RGS6: variants seen among roughly 807,000 people sequenced by gnomAD.
RGS6 encodes the protein regulator of G protein signaling 6, also known as regulator of G-protein signaling 6.
Under a neutral mutation model 78.5 loss-of-function variants are expected in RGS6, and 30 were observed. The ratio of observed to expected loss-of-function variants is 0.38; its 90% CI spans 0.29 to 0.52. RGS6 has a LOEUF of 0.52. Ranked by LOEUF, RGS6 falls within the 20% of genes least tolerant of loss-of-function variation. RGS6 has a pLI of 0.85. For synonymous variants in RGS6, 206 were observed against 206.0 expected (o/e 1.00, Z 0.00); for missense variants, 495 against 609.7 (o/e 0.81, Z 1.98).
chr14:72,030,015 A>G (rs936042721), intron 2 of RGS6, among the ~76,000 whole-genome samples: 1 of 152,222 alleles, frequency 6.6e-6, no homozygotes, highest in Non-Finnish European at 1.5e-5. Context: ...TTATCTCGTC[A>G]TTCTACAGAG....
intron 12 of RGS6, among the ~76,000 whole-genome samples, chr14:72,478,560 C>T (rs895809410): frequency 2.0e-5 from 3 of 152,088 alleles, no homozygotes; most frequent in African/African-American, 4.8e-5. Flanking sequence ...GGGGTGGCCA[C>T]GGGACCTTGT....
intron 2 of RGS6, among the ~76,000 whole-genome samples, chr14:72,118,002 TA>T (rs2095945939): frequency 1.3e-5 from 2 of 152,188 alleles, no homozygotes; most frequent in African/African-American, 4.8e-5. Flanking sequence ...TATCAACTAA[TA>T]GTAGTCTCTG....
chr14:72,528,581 C>T (rs2097145666), intron 15 of RGS6, among the ~76,000 whole-genome samples: 1 of 152,100 alleles, frequency 6.6e-6, no homozygotes, highest in Non-Finnish European at 1.5e-5. Flanking sequence ...GGTAGTTCTG[C>T]TTGTTCATAG....
the RGS6 span, among the ~76,000 whole-genome samples, chr14:71,876,749 A>T: frequency 1.3e-5 from 2 of 151,890 alleles, no homozygotes; most frequent in South Asian, 2.1e-4. Context: ...GCTCGTTAGT[A>T]GATGCAGTTT....
chr14:72,312,938 C>A (rs1171005645), intron 2 of RGS6, among the ~76,000 whole-genome samples: 1 of 152,144 alleles, frequency 6.6e-6, no homozygotes, highest in Non-Finnish European at 1.5e-5. Flanking sequence ...TTTTGGAGCC[C>A]CTCATTCCTA....
At chr14:72,470,836 G>A (rs1162150223) in intron 8 of RGS6, among the ~76,000 whole-genome samples, 1 of 145,616 alleles carries the variant, frequency 6.9e-6, no homozygotes, top group African/African-American at 2.6e-5. Flanking sequence ...CTGAGATCGT[G>A]ACATTGCACT....
At chr14:72,018,427 G>T (rs1212598987) in intron 2 of RGS6, among the ~76,000 whole-genome samples, 1 of 152,140 alleles carries the variant, frequency 6.6e-6, no homozygotes, top group Non-Finnish European at 1.5e-5. Flanking sequence ...TGGATTGTGG[G>T]AATTTTGCTC....
chr14:72,557,319 T>C (rs751770245), intron 17 of RGS6, among the ~76,000 whole-genome samples: 1 of 152,242 alleles, frequency 6.6e-6, no homozygotes, highest in Non-Finnish European at 1.5e-5. Context: ...GCACTCTCTC[T>C]CCCCAGTTTT....
chr14:72,400,089 G>C (rs536997360), intron 3 of RGS6, among the ~76,000 whole-genome samples: 1 of 152,148 alleles, frequency 6.6e-6, no homozygotes, highest in Non-Finnish European at 1.5e-5. Context: ...ATCATTGTCT[G>C]ATTCACCGAA....
intron 3 of RGS6, among the ~76,000 whole-genome samples, chr14:72,382,100 T>A (rs761241487): frequency 1.3e-4 from 20 of 152,042 alleles, no homozygotes; most frequent in South Asian, 6.2e-4. Context: ...TATTAAAATT[T>A]AGTCACCTGC....
At chr14:72,623,038 T>G in the RGS6 span, among the ~76,000 whole-genome samples, 1 of 152,356 alleles carries the variant, frequency 6.6e-6, no homozygotes, top group African/African-American at 2.4e-5. Flanking sequence ...GATTAATCTC[T>G]AAGATATTCA....
chr14:72,603,406 C>T, the RGS6 span, among the ~76,000 whole-genome samples: 1 of 152,210 alleles, frequency 6.6e-6, no homozygotes, highest in African/African-American at 2.4e-5. Flanking sequence ...CTGATTCTGC[C>T]AGGGCCATGC....
chr14:72,518,831 G>T (rs2096989028), intron 15 of RGS6, among the ~76,000 whole-genome samples: 1 of 152,214 alleles, frequency 6.6e-6, no homozygotes, highest in Non-Finnish European at 1.5e-5. Context: ...GTCAGTGATA[G>T]AATCTGGAAA....
chr14:72,555,995 T>C (rs2097569758), intron 17 of RGS6, among the ~76,000 whole-genome samples: 1 of 152,172 alleles, frequency 6.6e-6, no homozygotes, highest in Admixed American at 6.6e-5. Flanking sequence ...GAGCTACCCG[T>C]GCCATTCCAT....
At position 72,290,777 on chromosome 14, in the gene RGS6, C is replaced by T. The variant is rs188406015; in HGVS notation, c.85-61318C>T. Among the ~76,000 whole-genome samples, 46 of 152,292 alleles carry T rather than the reference C, an allele frequency of 3.0e-4. 1 individual carries two copies. The East Asian group carries it at 6.8e-3, about 22-fold the overall frequency. ...GCACCTATGTTAGCAGAGCCTCACA[C>T]GGATTAATTAAAAGCTGCTACTCTC... On this transcript the variant is annotated intron_variant, in intron 2 of 17. Transcript: ENST00000553525.
At chr14:72,101,671 A>T (rs1424282881) in intron 2 of RGS6, among the ~76,000 whole-genome samples, 1 of 152,150 alleles carries the variant, frequency 6.6e-6, no homozygotes, top group Non-Finnish European at 1.5e-5. Flanking sequence ...GAACGCTTGG[A>T]TACGTGTTGT....
chr14:72,138,012 C>A (rs548836582), intron 2 of RGS6, among the ~76,000 whole-genome samples: 1 of 152,250 alleles, frequency 6.6e-6, no homozygotes, highest in East Asian at 1.9e-4. Context: ...CCACAAGTCA[C>A]CCTAATACTA....
intron 16 of RGS6, among the ~76,000 whole-genome samples, chr14:72,538,707 G>A (rs149086189): frequency 2.6e-4 from 40 of 152,348 alleles, no homozygotes; most frequent in African/African-American, 6.3e-4. Context: ...TATGGTACCC[G>A]GGGCCAAGCA....
At chr14:72,119,391 T>A (rs1389722565) in intron 2 of RGS6, among the ~76,000 whole-genome samples, 1 of 152,198 alleles carries the variant, frequency 6.6e-6, no homozygotes, top group African/African-American at 2.4e-5. Flanking sequence ...CACCAATAGT[T>A]TTCCATGGGC....
Sources: allele counts gnomAD v4.1 joint callset (sites outside exome capture counted in the v4.1 genomes callset), GRCh38; gene constraint gnomAD v4.1.1; transcripts MANE v1.5; gene names NCBI Gene and HGNC (gene_info 2026-07-23, HGNC 2026-07-21).